CEP350: variants seen among roughly 807,000 people sequenced by gnomAD.
The protein encoded by CEP350 is centrosome-associated protein 350.
CEP350 carries 126 observed loss-of-function variants against 331.8 expected under a neutral mutation model. The ratio of observed to expected loss-of-function variants is 0.38; its 90% CI spans 0.33 to 0.44. The LOEUF (loss-of-function observed/expected upper bound fraction) is 0.44. Ranked by LOEUF, CEP350 falls within the 20% of genes least tolerant of loss-of-function variation. The probability of loss-of-function intolerance (pLI) is 1.00; values close to 1 mark genes in which losing one functional copy is unlikely to be tolerated. For synonymous variants in CEP350, 1,200 were observed against 1,259.5 expected (o/e 0.95, Z 1.00); for missense variants, 3,406 against 3,634.6 (o/e 0.94, Z 1.62).
Position 180,044,192 on chromosome 1 carries a change from C to T in CEP350, c.4622+19C>T. 4 of 1,546,740 alleles carry T rather than the reference C, an allele frequency of 2.6e-6. No individual in the cohort carries two copies. The highest frequency in any genetic ancestry group is 3.5e-6 in the Non-Finnish European group (4 of 1,148,108). ...ATAGAAGGTGAAGACAATTTGATTT[C>T]TTTGTCAGTACAGTTTAGTAGATTG... On this transcript the variant is annotated intron_variant, in intron 21 of 37. Coordinates refer to ENST00000367607, the MANE Select transcript of CEP350 (RefSeq NM_014810.5).
intron 7 of CEP350, 74 bp downstream of exon 7, chr1:180,003,361 A>C (rs1158963407): frequency 1.0e-6 from 1 of 966,474 alleles, no homozygotes; most frequent in African/African-American, 1.7e-5. Context: ...TTACACATAA[A>C]ATTGTCACCA....
In CEP350 at chr1:180,053,135, C is replaced by G; in HGVS notation, c.4958C>G (p.Ser1653Cys). ...GHHDDSDEEASPEKTTLSTAK... is the reference protein window; with the variant it reads ...GHHDDSDEEACPEKTTLSTAK... ...CATGATGACTCTGATGAAGAAGCTT[C>G]TCCAGAAAAAACTACACTGTCTACT... is the stretch of plus-strand genomic sequence containing the variant. Residue 1653 changes from serine (S) to cysteine (C), a missense_variant, in exon 23 of 38, where the codon TCT becomes TGT. Physicochemically the swap from Ser to Cys is moderately radical, Grantham distance 112. Coordinates refer to ENST00000367607, the MANE Select transcript of CEP350 (RefSeq NM_014810.5). 1 of 1,597,164 alleles carries G rather than the reference C, an allele frequency of 6.3e-7. No homozygotes were observed. The highest frequency in any genetic ancestry group is 8.5e-7 in the Non-Finnish European group (1 of 1,173,612).
chr1:180,034,463 G>GT (rs898305642), intron 16 of CEP350, among the ~76,000 whole-genome samples: 4 of 109,928 alleles, frequency 3.6e-5, no homozygotes, highest in African/African-American at 1.3e-4. Context: ...ATACTGCGGG[G>GT]TTTTTTTGTC....
chr1:180,043,024 C>T, intron 19 of CEP350, 32 bp from the exon 20 acceptor site: 1 of 1,597,686 alleles, frequency 6.3e-7, no homozygotes, highest in Middle Eastern at 1.7e-4. Context: ...CGTTTTAATA[C>T]ATTTGCCTTT....
chr1:180,015,230 A>G (rs1044295289), intron 10 of CEP350, among the ~76,000 whole-genome samples: 11 of 150,820 alleles, frequency 7.3e-5, no homozygotes, highest in African/African-American at 2.7e-4. Context: ...TTATTTATTT[A>G]TTTATTTATT....
At chr1:180,046,486 G>C (rs1657128431) in intron 21 of CEP350, among the ~76,000 whole-genome samples, 1 of 151,990 alleles carries the variant, frequency 6.6e-6, no homozygotes. Flanking sequence ...TTCATCAGTT[G>C]GTGGACATTT....
At chr1:180,004,890 G>GCTTTCTTTCTTT (rs1491222373) in intron 7 of CEP350, among the ~76,000 whole-genome samples, 5 of 41,518 alleles carry the variant, frequency 1.2e-4, no homozygotes, top group Non-Finnish European at 2.5e-4. Flanking sequence ...TTGCTTGCTT[G>GCTTTCTTTCTTT]CTTGCTTGCT....
intron 4 of CEP350, among the ~76,000 whole-genome samples, chr1:179,991,661 A>ATGTG (rs1653076360): frequency 1.3e-5 from 1 of 77,456 alleles, no homozygotes; most frequent in Non-Finnish European, 2.8e-5. Flanking sequence ...ATATGTATAT[A>ATGTG]TATATATGTG....
intron 1 of CEP350, among the ~76,000 whole-genome samples, chr1:179,971,696 A>C (rs1278501242): frequency 6.6e-6 from 1 of 152,072 alleles, no homozygotes; most frequent in East Asian, 1.9e-4. Flanking sequence ...ATTGTTTGAC[A>C]TTTTTCAACT....
rs1318000893 is a variant in CEP350 at position 180,093,302 on chromosome 1, G to A, written c.7197G>A (p.Val2399=). ...AATTGTACAAAGATGATTTTGAGGTGTCATCTTTGCTGTCACTCAGGAAAG... is the reference window on the plus strand; with the variant it reads ...AATTGTACAAAGATGATTTTGAGGTATCATCTTTGCTGTCACTCAGGAAAG... The part of the protein sequence containing the change: ...SAELYKDDFE[V]SSLLSLRKDS... The change falls in exon 34 of 38, where the codon GTG becomes GTA. Residue 2399 remains valine, a synonymous_variant. Transcript: ENST00000367607. 2.5e-6 allele frequency: 4 copies of A among 1,597,588 alleles called. No individual in the cohort carries two copies. The highest frequency in any genetic ancestry group is 3.4e-6 in the Non-Finnish European group (4 of 1,171,416).
intron 16 of CEP350, among the ~76,000 whole-genome samples, chr1:180,036,664 C>T (rs1218292430): frequency 6.6e-6 from 1 of 152,148 alleles, no homozygotes; most frequent in Non-Finnish European, 1.5e-5. Flanking sequence ...TGCACACTTA[C>T]TAGACTACAG....
intron 1 of CEP350, among the ~76,000 whole-genome samples, chr1:179,978,022 C>A (rs959998817): frequency 2.0e-5 from 3 of 151,376 alleles, no homozygotes; most frequent in African/African-American, 7.3e-5. Flanking sequence ...CAGGAGCACA[C>A]TCTATAATAA....
At chr1:180,109,419 A>G (rs777468374) in intron 37 of CEP350, among the ~76,000 whole-genome samples, 2 of 151,902 alleles carry the variant, frequency 1.3e-5, no homozygotes, top group Non-Finnish European at 2.9e-5. Context: ...CGCTCGGCCC[A>G]CTTTCTCTGC....
At chr1:179,972,811 G>A (rs1226087012) in intron 1 of CEP350, among the ~76,000 whole-genome samples, 1 of 152,088 alleles carries the variant, frequency 6.6e-6, no homozygotes, top group Non-Finnish European at 1.5e-5. Flanking sequence ...AATGGGGATG[G>A]CAACCACATT....
At position 180,093,134 on chromosome 1, in the gene CEP350, C is replaced by T. The variant is rs1660293392; in HGVS notation, c.7029C>T (p.Asn2343=). 1.0e-5 allele frequency: 16 copies of T among 1,601,290 alleles called. No homozygotes were observed. The highest frequency in any genetic ancestry group is 1.3e-5 in the African/African-American group (1 of 74,782). ...QSDQDMNHSP[N]IQSGKDIHEQ... is the part of the protein sequence containing the mutation. ...ATCAAGATATGAATCATAGTCCAAA[C>T]ATCCAATCAGGAAAAGACATTCACG... Residue 2343 remains asparagine (N), a synonymous_variant, in exon 34 of 38, where the codon AAC becomes AAT. Transcript: ENST00000367607.
chr1:179,993,772 A>C (rs564298013), intron 5 of CEP350, among the ~76,000 whole-genome samples: 188 of 152,242 alleles, frequency 1.2e-3, no homozygotes, highest in African/African-American at 4.2e-3. Flanking sequence ...AAGAAAAGAA[A>C]AAATACCCAG....
At chr1:180,067,542 AG>A (rs1293017966) in intron 27 of CEP350, among the ~76,000 whole-genome samples, 1 of 152,128 alleles carries the variant, frequency 6.6e-6, no homozygotes, top group Non-Finnish European at 1.5e-5. Flanking sequence ...ATACAACATT[AG>A]CCAGGCCTGG....
At chr1:180,039,738 A>C (rs1417048594) in intron 17 of CEP350, among the ~76,000 whole-genome samples, 1 of 152,032 alleles carries the variant, frequency 6.6e-6, no homozygotes, top group Non-Finnish European at 1.5e-5. Context: ...GATTTTGGCT[A>C]TTCTAGGTTT....
intron 16 of CEP350, among the ~76,000 whole-genome samples, chr1:180,036,566 T>TG (rs1656368293): frequency 6.6e-6 from 1 of 152,220 alleles, no homozygotes; most frequent in Non-Finnish European, 1.5e-5. Context: ...GATTAGGACT[T>TG]GCTGAAGGCT....
Sources: gnomAD v4.1 joint callset for allele counts (sites outside exome capture counted in the v4.1 genomes callset) on GRCh38, gnomAD v4.1.1 for gene constraint, MANE v1.5 for transcripts, NCBI Gene and HGNC (gene_info 2026-07-23, HGNC 2026-07-21) for gene names.